Variants in ZNF638 observed in about 807,000 individuals in gnomAD.
The protein encoded by ZNF638 is zinc finger protein 638.
Under a neutral mutation model 195.6 loss-of-function variants are expected in ZNF638, and 46 were observed. The ratio of observed to expected loss-of-function variants is 0.24; its 90% CI spans 0.19 to 0.30. ZNF638 has a LOEUF of 0.30. Ranked by LOEUF, ZNF638 falls within the 10% of genes least tolerant of loss-of-function variation. The pLI is 1.00. For synonymous variants in ZNF638, 845 were observed against 772.0 expected (o/e 1.09, Z -1.57); for missense variants, 2,440 against 2,325.3 (o/e 1.05, Z -1.01).
chr2:71,427,510 C>T (rs758170046), intron 24 of ZNF638, 96 bp downstream of exon 24: 44 of 918,288 alleles, frequency 4.8e-5, no homozygotes, highest in Non-Finnish European at 5.9e-5. Context: ...AATAATGTCA[C>T]CCAGTATTGA....
intron 2 of ZNF638, among the ~76,000 whole-genome samples, chr2:71,351,150 A>G (rs1187634251): frequency 6.6e-6 from 1 of 152,172 alleles, no homozygotes; most frequent in Non-Finnish European, 1.5e-5. Flanking sequence ...TAACATGGGA[A>G]AAAGCTTTGA....
rs763074780 is a variant in ZNF638 at position 71,393,534 on chromosome 2, G to A, written c.2378-2607G>A. On this transcript the variant is annotated intron_variant, in intron 10 of 27. Coordinates refer to ENST00000264447, the MANE Select transcript of ZNF638 (RefSeq NM_014497.5). ...AGCTTCCTCAGACGACACAAGCCCC[G>A]GACATTACCTGGGGGATGCTGAAGA... The A allele has an allele frequency of 5.9e-5, 42 of 717,868 alleles. 2 individuals are homozygous for A. Among genetic ancestry groups the A allele is most frequent in the South Asian group, 5.5e-4 (37 of 67,588 alleles). 44.5% of individuals were successfully genotyped at this position (717,868 alleles called of 1,614,324 possible).
At position 71,431,402 on chromosome 2, in the gene ZNF638, A is replaced by G. The variant is rs771346038; in HGVS notation, c.5726A>G (p.Lys1909Arg). 1.9e-6 allele frequency: 3 copies of G among 1,614,054 alleles called. No individual in the cohort carries two copies. Among genetic ancestry groups the G allele is most frequent in the South Asian group, 1.1e-5 (1 of 91,080 alleles). ...AAGACTGAAGACTCTTCTTCAGGCA[A>G]ATCAGTGGCGTCTGATGTCCCTGAG... ...RKKTEDSSSG[K>R]SVASDVPEEL... The change falls in exon 26 of 28, where the codon AAA (lysine) becomes AGA (arginine). Residue 1909 changes from lysine to arginine, a missense_variant. Around this residue, in one of 5 missense-constraint regions of ZNF638, gnomAD observed 1,883 missense variants for 1,739.1 expected, o/e 1.08. Transcript: ENST00000264447.
chr2:71,370,534 A>G (rs2079290981), intron 8 of ZNF638, among the ~76,000 whole-genome samples: 2 of 152,182 alleles, frequency 1.3e-5, no homozygotes, highest in Non-Finnish European at 2.9e-5. Context: ...GATAATATCT[A>G]TAGAATTACT....
intron 11 of ZNF638, among the ~76,000 whole-genome samples, chr2:71,397,170 C>T (rs990512873): frequency 6.6e-5 from 10 of 152,138 alleles, no homozygotes; most frequent in African/African-American, 2.4e-4. Context: ...GTATGGGAGT[C>T]ATTGGGGATG....
At chr2:71,406,842 GT>G (rs2152581430) in intron 19 of ZNF638, among the ~76,000 whole-genome samples, 1 of 152,054 alleles carries the variant, frequency 6.6e-6, no homozygotes, top group African/African-American at 2.4e-5. Context: ...TCTACAAAAA[GT>G]TTAAAAATTA....
chr2:71,340,539 G>A (rs2078745903), intron 1 of ZNF638, among the ~76,000 whole-genome samples: 1 of 152,162 alleles, frequency 6.6e-6, no homozygotes, highest in Non-Finnish European at 1.5e-5. Context: ...TATATATTCT[G>A]AGACAAACAG....
chr2:71,400,307 A>C, intron 14 of ZNF638, 127 bp downstream of exon 14: 7 of 1,045,990 alleles, frequency 6.7e-6, no homozygotes, highest in Non-Finnish European at 9.5e-6. Context: ...CTCAGAATGA[A>C]ATTTAAATGT....
At chr2:71,372,221 G>T (rs1462795637) in intron 8 of ZNF638, among the ~76,000 whole-genome samples, 1 of 152,144 alleles carries the variant, frequency 6.6e-6, no homozygotes, top group Non-Finnish European at 1.5e-5. Flanking sequence ...TTGCCTAGGA[G>T]TTGTTGTCCT....
chr2:71,410,278 T>G (rs2080185640), intron 20 of ZNF638, among the ~76,000 whole-genome samples: 4 of 152,208 alleles, frequency 2.6e-5, no homozygotes, highest in Admixed American at 2.6e-4. Flanking sequence ...CCTTAACTCC[T>G]GGGCTTAAGC....
rs756448232 is a variant in ZNF638, at chr2:71,350,048, G to T, written c.1094G>T (p.Gly365Val). The change falls in exon 2 of 28, where the codon GGA becomes GTA. Residue 365 changes from glycine to valine, a missense_variant. Transcript: ENST00000264447. ...ATTAATTCATCTAACGTACATGTTG[G>T]ATCAAGAGGAAGTAAAAAGAATTAC... ...PVINSSNVHV[G>V]SRGSKKNYQS... 8.1e-6 allele frequency: 13 copies of T among 1,614,006 alleles called. No individual in the cohort carries two copies. In the East Asian group the frequency reaches 2.5e-4, roughly 30 times the overall value.
intron 2 of ZNF638, among the ~76,000 whole-genome samples, chr2:71,355,178 G>C (rs12986712): frequency 0.74 from 113,058 of 151,998 alleles, 42,596 homozygotes; most frequent in Admixed American, 0.77. Context: ...CAGTAGTGTC[G>C]ATCTCCTGAA....
intron 10 of ZNF638, chr2:71,395,747 A>G: frequency 5.1e-6 from 2 of 388,426 alleles, no homozygotes; most frequent in South Asian, 4.7e-5. Flanking sequence ...AGCCGCACTC[A>G]TGCAAAATAC....
chr2:71,419,969 C>CCA (rs1553486397), intron 21 of ZNF638, among the ~76,000 whole-genome samples: 1 of 89,228 alleles, frequency 1.1e-5, no homozygotes, highest in Admixed American at 1.6e-4. Context: ...CCCACCCCCC[C>CCA]CCGCCTTTTT....
At chr2:71,366,049 C>A (rs1305025298) in intron 6 of ZNF638, among the ~76,000 whole-genome samples, 1 of 152,164 alleles carries the variant, frequency 6.6e-6, no homozygotes, top group East Asian at 1.9e-4. Context: ...TTTGCTATGA[C>A]AAACAGAAAA....
At chr2:71,420,057 G>A (rs2080397305) in intron 21 of ZNF638, among the ~76,000 whole-genome samples, 1 of 132,780 alleles carries the variant, frequency 7.5e-6, no homozygotes, top group African/African-American at 2.8e-5. Flanking sequence ...ATTTGTTTTG[G>A]AGTGAACTGA....
intron 3 of ZNF638, among the ~76,000 whole-genome samples, chr2:71,359,649 G>A (rs2079077261): frequency 6.6e-6 from 1 of 152,152 alleles, no homozygotes; most frequent in African/African-American, 2.4e-5. Flanking sequence ...ATCACATTCA[G>A]GTTGTATGCA....
chr2:71,343,624 T>A (rs1238525829), intron 1 of ZNF638, among the ~76,000 whole-genome samples: 1 of 152,176 alleles, frequency 6.6e-6, no homozygotes, highest in East Asian at 1.9e-4. Context: ...GAAGAGAGAT[T>A]AGATTGTCTC....
chr2:71,376,560 C>T (rs2079429723), intron 8 of ZNF638, among the ~76,000 whole-genome samples: 1 of 152,088 alleles, frequency 6.6e-6, no homozygotes, highest in Non-Finnish European at 1.5e-5. Flanking sequence ...TTTCTTGGTC[C>T]AAATCTTGAT....
Sources: allele counts gnomAD v4.1 joint callset (sites outside exome capture counted in the v4.1 genomes callset), GRCh38; gene constraint gnomAD v4.1.1; regional missense constraint gnomAD v4.1.1; transcripts MANE v1.5; gene names NCBI Gene and HGNC (gene_info 2026-07-23, HGNC 2026-07-21).